Variants in ALPK1 observed in about 807,000 individuals in gnomAD.
ALPK1 encodes alpha-protein kinase 1.
A neutral mutation model predicts 120.6 loss-of-function variants in ALPK1; 110 were observed. That is an observed-to-expected ratio of 0.91 (90% CI 0.78 to 1.07). ALPK1 has a LOEUF of 1.07. Ranked by LOEUF, ALPK1 falls within the 50% of genes least tolerant of loss-of-function variation. The pLI is 0.00. For missense variants in ALPK1, 1,498 were observed against 1,483.9 expected (o/e 1.01, Z -0.16); for synonymous variants, 582 against 560.3 (o/e 1.04, Z -0.55).
intron 5 of ALPK1, among the ~76,000 whole-genome samples, chr4:112,422,441 A>G (rs573530442): frequency 1.3e-5 from 2 of 152,266 alleles, no homozygotes; most frequent in South Asian, 4.1e-4. Flanking sequence ...GCTACATTCC[A>G]CATTACTCCT....
chr4:112,360,555 G>T (rs1214142050), intron 2 of ALPK1, among the ~76,000 whole-genome samples: 1 of 152,134 alleles, frequency 6.6e-6, no homozygotes, highest in Non-Finnish European at 1.5e-5. Flanking sequence ...CATTGTTATT[G>T]TTGTAGCTTT....
chr4:112,430,619 G>A lies in ALPK1; in HGVS notation c.1072G>A (p.Ala358Thr), dbSNP rs1255733549. 9 of 1,614,008 alleles carry A rather than the reference G, an allele frequency of 5.6e-6. No homozygotes were observed. Among genetic ancestry groups the A allele is most frequent in the African/African-American group, 1.3e-5 (1 of 74,912 alleles). Reference sequence around the variant, plus strand: ...GGAGCTTCACAGCTTTGTCAAAGCTGCTTTCGGTCTCACCACAGTGCACAG... The same window carrying A: ...GGAGCTTCACAGCTTTGTCAAAGCTACTTTCGGTCTCACCACAGTGCACAG... ...KQELHSFVKA[A>T]FGLTTVHRRL... is the part of the protein sequence containing the mutation. The change falls in exon 11 of 16, where the codon GCT (alanine) becomes ACT (threonine). Residue 358 changes from alanine to threonine, a missense_variant. Ala to Thr is a moderately conservative substitution (Grantham distance 58). Coordinates refer to ENST00000650871, the MANE Select transcript of ALPK1 (RefSeq NM_025144.4).
Position 112,356,063 on chromosome 4 carries a change from G to A in ALPK1, c.-100-21615G>A, listed in dbSNP as rs370631310. ...CGGCTGAGAGCCTGAGATGTTTGGA[G>A]TGTTTTTTTCTCACAGACCCGAATA... On this transcript the variant is annotated intron_variant, in intron 2 of 15. Coordinates refer to ENST00000650871, the MANE Select transcript of ALPK1 (RefSeq NM_025144.4). 4 of 847,896 alleles carry A rather than the reference G, an allele frequency of 4.7e-6. No individual in the cohort carries two copies. In the African/African-American group the frequency reaches 5.0e-5, roughly 11 times the overall value. 52.5% of individuals were successfully genotyped at this position (847,896 alleles called of 1,614,324 possible).
At chr4:112,333,838 C>A (rs1729494973) in intron 2 of ALPK1, among the ~76,000 whole-genome samples, 1 of 152,146 alleles carries the variant, frequency 6.6e-6, no homozygotes, top group African/African-American at 2.4e-5. Flanking sequence ...TTAGACACTT[C>A]TGCCCCACAG....
rs758144648 is a variant in ALPK1, at chr4:112,439,883, C to T, written c.3538+11C>T. The T allele has an allele frequency of 3.8e-5, 59 of 1,565,500 alleles. No homozygotes were observed. Among genetic ancestry groups the T allele is most frequent in the Non-Finnish European group, 4.5e-5 (53 of 1,164,858 alleles). ...TGGTCGATTTACAAGGTATGTGAAA[C>T]TGGGAATTATTTTTATTTTTAATAT... On this transcript the variant is annotated intron_variant, in intron 14 of 15. Coordinates refer to ENST00000650871, the MANE Select transcript of ALPK1 (RefSeq NM_025144.4).
Position 112,356,398 on chromosome 4 carries a change from G to A in ALPK1, c.-100-21280G>A. On this transcript the variant is annotated intron_variant, in intron 2 of 15. Coordinates refer to ENST00000650871, the MANE Select transcript of ALPK1 (RefSeq NM_025144.4). The stretch of plus-strand genomic sequence containing the variant: ...CAGATCAGGCCTTTGTCATCCTGGG[G>A]CAATGCTGCTGCTGATAATGGAGAC... 3 of 842,084 alleles carry A rather than the reference G, an allele frequency of 3.6e-6. No individual in the cohort carries two copies. In the South Asian group the frequency reaches 4.0e-5, roughly 11 times the overall value. The allele number at this position is 842,084 out of a possible 1,614,324, so 52.2% of individuals were successfully genotyped here.
At chr4:112,402,260 C>A (rs1732949637) in intron 4 of ALPK1, among the ~76,000 whole-genome samples, 1 of 152,204 alleles carries the variant, frequency 6.6e-6, no homozygotes, top group Admixed American at 6.5e-5. Flanking sequence ...CAGTTCTGAG[C>A]CCCTTCACCC....
intron 5 of ALPK1, among the ~76,000 whole-genome samples, chr4:112,422,803 G>T (rs952920760): frequency 6.6e-6 from 1 of 152,236 alleles, no homozygotes; most frequent in Non-Finnish European, 1.5e-5. Flanking sequence ...GCCAAGCAGA[G>T]GCCTTGGGGG....
At chr4:112,414,385 T>C (rs1299107941) in intron 5 of ALPK1, 2 of 445,488 alleles carry the variant, frequency 4.5e-6, no homozygotes, top group Admixed American at 4.7e-5. Context: ...AGCGGGTGGA[T>C]CACCTGAAGT....
intron 5 of ALPK1, among the ~76,000 whole-genome samples, chr4:112,417,522 T>G (rs942577193): frequency 2.0e-5 from 3 of 152,362 alleles, no homozygotes; most frequent in Admixed American, 1.3e-4. Context: ...GATCTCACTC[T>G]GTTACCCAGG....
At chr4:112,300,009 A>C (rs1342634260) in intron 1 of ALPK1, among the ~76,000 whole-genome samples, 1 of 152,136 alleles carries the variant, frequency 6.6e-6, no homozygotes, top group Non-Finnish European at 1.5e-5. Context: ...CAATAATTTC[A>C]TTTCTGGGAA....
intron 1 of ALPK1, among the ~76,000 whole-genome samples, chr4:112,302,826 C>T (rs1192711411): frequency 1.3e-5 from 2 of 152,186 alleles, no homozygotes; most frequent in Non-Finnish European, 2.9e-5. Flanking sequence ...CCACATTCCT[C>T]CATAGACAAG....
chr4:112,312,158 C>T (rs748971646), intron 1 of ALPK1, among the ~76,000 whole-genome samples: 6 of 151,998 alleles, frequency 3.9e-5, no homozygotes, highest in Non-Finnish European at 7.4e-5. Flanking sequence ...ATTCATAGTG[C>T]TTATTTCTTA....
At chr4:112,357,762 C>T (rs763315776) in intron 2 of ALPK1, 20 of 1,169,332 alleles carry the variant, frequency 1.7e-5, no homozygotes, top group Admixed American at 3.4e-5. Context: ...TGGGCAACAT[C>T]GCCCGCATGG....
intron 6 of ALPK1, 49 bp downstream of exon 6, chr4:112,424,052 G>C: frequency 6.4e-7 from 1 of 1,554,242 alleles, no homozygotes; most frequent in Non-Finnish European, 8.8e-7. Flanking sequence ...GCCCCGAACA[G>C]AGCACTCATT....
intron 5 of ALPK1, among the ~76,000 whole-genome samples, chr4:112,417,261 T>C (rs994651975): frequency 1.3e-5 from 2 of 152,044 alleles, no homozygotes; most frequent in African/African-American, 4.8e-5. Flanking sequence ...GAACTTAGAA[T>C]GAAGAAGTGG....
At chr4:112,325,942 T>C (rs1448754438) in intron 2 of ALPK1, among the ~76,000 whole-genome samples, 1 of 152,192 alleles carries the variant, frequency 6.6e-6, no homozygotes. Flanking sequence ...AGTGAGAGGC[T>C]GTGTGAGCGA....
chr4:112,382,189 C>T (rs758069433), intron 3 of ALPK1, among the ~76,000 whole-genome samples: 6 of 152,082 alleles, frequency 3.9e-5, no homozygotes, highest in African/African-American at 1.4e-4. Context: ...AGGGCAAAGT[C>T]GGCCAGGGCC....
chr4:112,298,667 GA>G (rs1035523460), intron 1 of ALPK1, among the ~76,000 whole-genome samples: 133 of 152,232 alleles, frequency 8.7e-4, no homozygotes, highest in Middle Eastern at 6.8e-3. Flanking sequence ...AAACTGTAAA[GA>G]AAAGGCATGT....
Sources: allele counts gnomAD v4.1 joint callset (sites outside exome capture counted in the v4.1 genomes callset), GRCh38; gene constraint gnomAD v4.1.1; transcripts MANE v1.5; gene names NCBI Gene and HGNC (gene_info 2026-07-23, HGNC 2026-07-21).